FRMD5: variants seen among roughly 807,000 people sequenced by gnomAD.
The protein encoded by FRMD5 is FERM domain-containing protein 5.
Under a neutral mutation model 69.0 loss-of-function variants are expected in FRMD5, and 20 were observed. That is an observed-to-expected ratio of 0.29 (90% CI 0.20 to 0.42). The LOEUF is 0.42. Ranked by LOEUF, FRMD5 falls within the 10% of genes least tolerant of loss-of-function variation. The pLI is 1.00. For synonymous variants in FRMD5, 271 were observed against 260.1 expected, an observed-to-expected ratio of 1.04 and a Z score of -0.40; for missense variants, 595 against 708.6, an observed-to-expected ratio of 0.84 and a Z score of 1.82.
intron 4 of FRMD5, among the ~76,000 whole-genome samples, chr15:43,914,025 T>C (rs1284171602): frequency 1.3e-5 from 2 of 152,218 alleles, no homozygotes; most frequent in Non-Finnish European, 2.9e-5. Flanking sequence ...CTCACCTCCA[T>C]TTTTGTTTGA....
At position 43,874,188 on chromosome 15, in the gene FRMD5, T is replaced by G. The variant is rs1358097676; in HGVS notation, c.1410A>C (p.Thr470=). Reference sequence around the variant, plus strand: ...GCTCTCCCCCAAGGGCCTCCACCTCTGTAGCAGTTGGGGTGCTGGCTTCAG... The same window carrying G: ...GCTCTCCCCCAAGGGCCTCCACCTCGGTAGCAGTTGGGGTGCTGGCTTCAG... ...KESEASTPTA[T]EVEALGGELR... Residue 470 remains threonine (T), a synonymous_variant, in exon 14 of 14, where the codon ACA becomes ACC. Transcript: ENST00000417257. 1 of 1,614,232 alleles carries G rather than the reference T, an allele frequency of 6.2e-7. No homozygotes were observed. The highest frequency in any genetic ancestry group is 8.5e-7 in the Non-Finnish European group (1 of 1,180,046).
At chr15:43,963,620 C>A (rs536371775) in intron 1 of FRMD5, among the ~76,000 whole-genome samples, 1 of 152,118 alleles carries the variant, frequency 6.6e-6, no homozygotes, top group African/African-American at 2.4e-5. Context: ...ATGTTTATTG[C>A]GGCATTATTC....
chr15:43,913,759 G>T (rs1368384245), intron 4 of FRMD5, among the ~76,000 whole-genome samples: 1 of 152,190 alleles, frequency 6.6e-6, no homozygotes, highest in Non-Finnish European at 1.5e-5. Flanking sequence ...GTCCAGAGAT[G>T]GAGAGTGACT....
Position 43,883,696 on chromosome 15 carries a change from T to G in FRMD5, c.1135+7A>C. On this transcript the variant is annotated splice_region_variant and intron_variant, in intron 13 of 13. Transcript: ENST00000417257. ...CCCAGTGGTCACCTCAAGAAGCTCA[T>G]GCTCACCTTCCATGATGGAGATGTG... 3 of 1,600,334 alleles carry G rather than the reference T, an allele frequency of 1.9e-6. No homozygotes were observed. The highest frequency in any genetic ancestry group is 2.6e-6 in the Non-Finnish European group (3 of 1,172,366).
Position 43,873,015 on chromosome 15 carries a change from C to T in FRMD5, c.*870G>A. On this transcript the variant is annotated 3_prime_UTR_variant, in exon 14 of 14. Transcript: ENST00000417257. Reference sequence around the variant, plus strand: ...ACTTTGTCCAACATTTCTGACAGAACTATCTATCTCTGGTACCACTGAATT... The same window carrying T: ...ACTTTGTCCAACATTTCTGACAGAATTATCTATCTCTGGTACCACTGAATT... 2 of 620,514 alleles carry T rather than the reference C, an allele frequency of 3.2e-6. No homozygotes were observed. Among genetic ancestry groups the T allele is most frequent in the Non-Finnish European group, 5.6e-6 (2 of 359,184 alleles). 38.4% of individuals were successfully genotyped at this position (620,514 alleles called of 1,614,324 possible).
At chr15:44,135,192 A>C (rs1315541877) in intron 1 of FRMD5, among the ~76,000 whole-genome samples, 21 of 152,224 alleles carry the variant, frequency 1.4e-4, no homozygotes, top group Admixed American at 1.4e-3. Flanking sequence ...AACCACCCTC[A>C]ATAATTTTTT....
At chr15:44,156,151 AT>A (rs529428380) in intron 1 of FRMD5, among the ~76,000 whole-genome samples, 9 of 149,958 alleles carry the variant, frequency 6.0e-5, no homozygotes, top group South Asian at 2.1e-4. Flanking sequence ...ATGACATATA[AT>A]TTTTTTTTTG....
chr15:43,962,136 G>A (rs573245231), intron 1 of FRMD5, among the ~76,000 whole-genome samples: 16 of 152,310 alleles, frequency 1.1e-4, no homozygotes, highest in African/African-American at 3.6e-4. Flanking sequence ...CAGATGACAT[G>A]ATTGTATATC....
chr15:43,940,863 C>T (rs572531576), intron 1 of FRMD5, among the ~76,000 whole-genome samples: 1 of 152,184 alleles, frequency 6.6e-6, no homozygotes, highest in Non-Finnish European at 1.5e-5. Context: ...CGAGTATTAT[C>T]ACAATGACTT....
chr15:44,017,324 C>A (rs993643349), intron 1 of FRMD5, among the ~76,000 whole-genome samples: 1 of 150,656 alleles, frequency 6.6e-6, no homozygotes, highest in Admixed American at 6.6e-5. Context: ...GGTGAAAAAG[C>A]GAGACTCTGT....
chr15:43,996,710 A>G (rs1436650888), intron 1 of FRMD5, among the ~76,000 whole-genome samples: 1 of 104,780 alleles, frequency 9.5e-6, no homozygotes, highest in African/African-American at 3.5e-5. Flanking sequence ...TAAGCTCCTC[A>G]GCTGATTTTT....
chr15:44,090,592 A>G (rs1393811611), intron 1 of FRMD5, among the ~76,000 whole-genome samples: 2 of 151,932 alleles, frequency 1.3e-5, no homozygotes, highest in East Asian at 3.9e-4. Flanking sequence ...GGTGCCCACC[A>G]CCATGCCTGG....
chr15:43,905,721 C>T, intron 6 of FRMD5, 107 bp downstream of exon 6: 1 of 1,411,358 alleles, frequency 7.1e-7, no homozygotes, highest in South Asian at 1.3e-5. Flanking sequence ...GGGAGCATCA[C>T]TCTGTGTCAG....
chr15:43,939,730 G>T (rs903591018), intron 1 of FRMD5, among the ~76,000 whole-genome samples: 4 of 152,028 alleles, frequency 2.6e-5, no homozygotes, highest in Admixed American at 6.6e-5. Context: ...GCTAATGTTG[G>T]TTTGTTTTTT....
intron 1 of FRMD5, among the ~76,000 whole-genome samples, chr15:44,041,870 A>C (rs928950501): frequency 2.6e-5 from 4 of 152,320 alleles, no homozygotes; most frequent in African/African-American, 7.2e-5. Flanking sequence ...AATTAAAAGA[A>C]CTAGAGAAGC....
intron 1 of FRMD5, among the ~76,000 whole-genome samples, chr15:44,047,736 C>T (rs1348610358): frequency 1.3e-5 from 2 of 152,186 alleles, no homozygotes; most frequent in African/African-American, 4.8e-5. Flanking sequence ...TTCCTAATCC[C>T]TACCAACGCC....
intron 1 of FRMD5, among the ~76,000 whole-genome samples, chr15:43,961,330 T>C (rs890221397): frequency 6.6e-6 from 1 of 152,170 alleles, no homozygotes; most frequent in African/African-American, 2.4e-5. Flanking sequence ...CCTCGACACA[T>C]ACACTCTCCC....
At chr15:44,041,137 A>G (rs1892172660) in intron 1 of FRMD5, among the ~76,000 whole-genome samples, 1 of 152,098 alleles carries the variant, frequency 6.6e-6, no homozygotes, top group Admixed American at 6.6e-5. Context: ...TCAATGCAAC[A>G]AGAAGAGATA....
At chr15:44,095,279 T>C (rs1032795927) in intron 1 of FRMD5, among the ~76,000 whole-genome samples, 1 of 151,926 alleles carries the variant, frequency 6.6e-6, no homozygotes, top group African/African-American at 2.4e-5. Context: ...TGTGGTTCAC[T>C]GCACCCTCAA....
Sources: gnomAD v4.1 joint callset for allele counts (sites outside exome capture counted in the v4.1 genomes callset) on GRCh38, gnomAD v4.1.1 for gene constraint, MANE v1.5 for transcripts, NCBI Gene and HGNC (gene_info 2026-07-23, HGNC 2026-07-21) for gene names.